Variants in DNAJC3 observed in about 807,000 individuals in gnomAD.
DNAJC3 encodes the protein dnaJ homolog subfamily C member 3.
DNAJC3 carries 38 observed loss-of-function variants against 68.6 expected under a neutral mutation model. The ratio of observed to expected loss-of-function variants is 0.55; its 90% CI spans 0.43 to 0.73. The LOEUF (loss-of-function observed/expected upper bound fraction) is 0.73. Among genes scored for constraint, DNAJC3 ranks in the 30% least tolerant of loss-of-function variants. The probability of loss-of-function intolerance (pLI) is 0.00; values close to 1 mark genes in which losing one functional copy is unlikely to be tolerated. For missense variants in DNAJC3, 526 were observed against 591.9 expected (o/e 0.89, Z 1.16); for synonymous variants, 203 against 204.0 (o/e 1.00, Z 0.04).
At chr13:95,781,578 G>T (rs1297384241) in intron 9 of DNAJC3, among the ~76,000 whole-genome samples, 1 of 152,146 alleles carries the variant, frequency 6.6e-6, no homozygotes, top group African/African-American at 2.4e-5. Flanking sequence ...AGGCAAACGT[G>T]TGTGCTTACG....
At chr13:95,695,697 C>T (rs1880420060) in intron 1 of DNAJC3, 1 of 152,144 alleles carries the variant, frequency 6.6e-6, no homozygotes, top group Non-Finnish European at 1.5e-5. Context: ...AAATAAGCTA[C>T]TTAAATGAAA....
chr13:95,732,616 G>A (rs80114544), intron 4 of DNAJC3, among the ~76,000 whole-genome samples: 4,567 of 151,128 alleles, frequency 0.03, 237 homozygotes, highest in African/African-American at 0.11. Flanking sequence ...TTATCTTTTC[G>A]TAAAACCGAC....
chr13:95,793,394 C>T lies in DNAJC3; in HGVS notation c.*2364C>T, dbSNP rs1883849643. On this transcript the variant is annotated 3_prime_UTR_variant, in exon 12 of 12. Transcript: ENST00000602402. Reference sequence around the variant, plus strand: ...GGGTGTGTAAAGAGATAGTCATTCCCCCTGCCTGTCTCACTGTAGGGTAGC... The same window carrying T: ...GGGTGTGTAAAGAGATAGTCATTCCTCCTGCCTGTCTCACTGTAGGGTAGC... The T allele has an allele frequency of 6.6e-6, 1 of 151,738 alleles. No homozygotes were observed. The highest frequency in any genetic ancestry group is 2.4e-5 in the African/African-American group (1 of 41,234). The allele number at this position is 151,738 out of a possible 1,614,324, so 9.4% of individuals were successfully genotyped here. A position where few individuals can be genotyped will look rare whatever the true frequency, so the allele number is the denominator to read the frequency against.
chr13:95,706,406 G>A (rs1880750285), intron 1 of DNAJC3, among the ~76,000 whole-genome samples: 1 of 152,154 alleles, frequency 6.6e-6, no homozygotes, highest in African/African-American at 2.4e-5. Flanking sequence ...CACCCTCCTG[G>A]TCTAGCACCT....
chr13:95,737,810 GTC>G (rs1175584389), intron 4 of DNAJC3, among the ~76,000 whole-genome samples: 1 of 138,420 alleles, frequency 7.2e-6, no homozygotes, highest in Non-Finnish European at 1.6e-5. Context: ...GGTTTTTTGT[GTC>G]TCTATTTCCT....
chr13:95,703,781 C>T (rs1041589662), intron 1 of DNAJC3, among the ~76,000 whole-genome samples: 1 of 151,678 alleles, frequency 6.6e-6, no homozygotes, highest in Non-Finnish European at 1.5e-5. Context: ...TCATCTACTC[C>T]CTGTTCTATA....
chr13:95,691,307 T>C (rs181621241), intron 1 of DNAJC3, among the ~76,000 whole-genome samples: 1 of 143,662 alleles, frequency 7.0e-6, no homozygotes, highest in Non-Finnish European at 1.5e-5. Context: ...ACGGGGCACT[T>C]GCCGGGCGGA....
intron 9 of DNAJC3, among the ~76,000 whole-genome samples, chr13:95,783,793 G>C (rs769312357): frequency 6.6e-6 from 1 of 152,172 alleles, no homozygotes; most frequent in Non-Finnish European, 1.5e-5. Context: ...TTGTCACACG[G>C]CCACGAAAAA....
At chr13:95,783,707 G>A (rs1291186177) in intron 9 of DNAJC3, among the ~76,000 whole-genome samples, 6 of 152,178 alleles carry the variant, frequency 3.9e-5, no homozygotes, top group East Asian at 3.9e-4. Context: ...GTTTCTGTAC[G>A]TAGTGTGTAG....
rs1478461133 is a variant in DNAJC3, at chr13:95,760,851, G to A, written c.848+53G>A. 3.8e-6 allele frequency: 6 copies of A among 1,582,168 alleles called. No individual in the cohort carries two copies. In the African/African-American group the frequency reaches 8.1e-5, roughly 21 times the overall value. ...AGCCATTCCTTATGTGCGGGGCTGTGGGCACAAGTGAACTACAGAACTGCT... is the reference window on the plus strand; with the variant it reads ...AGCCATTCCTTATGTGCGGGGCTGTAGGCACAAGTGAACTACAGAACTGCT... On this transcript the variant is annotated intron_variant, in intron 7 of 11. Transcript: ENST00000602402.
chr13:95,684,302 T>A (rs761823942), intron 1 of DNAJC3, among the ~76,000 whole-genome samples: 4 of 152,174 alleles, frequency 2.6e-5, no homozygotes, highest in Non-Finnish European at 5.9e-5. Flanking sequence ...AAGAGACTGG[T>A]GGCATTGTAC....
At chr13:95,681,651 G>T (rs1879918352) in intron 1 of DNAJC3, among the ~76,000 whole-genome samples, 1 of 152,158 alleles carries the variant, frequency 6.6e-6, no homozygotes, top group African/African-American at 2.4e-5. Flanking sequence ...AATGCACCTG[G>T]CCCTGATTAG....
At chr13:95,690,863 G>A (rs1251267383) in intron 1 of DNAJC3, among the ~76,000 whole-genome samples, 106 of 142,636 alleles carry the variant, frequency 7.4e-4, no homozygotes, top group Non-Finnish European at 1.4e-3. Flanking sequence ...CAGTAGGGGC[G>A]GCCGGGCAGA....
chr13:95,683,932 C>CA (rs33918497), intron 1 of DNAJC3, among the ~76,000 whole-genome samples: 103,020 of 117,412 alleles, frequency 0.88, 45,366 homozygotes, highest in Non-Finnish European at 0.91. Context: ...AACTCCATCT[C>CA]AAAAAAAAAA....
intron 7 of DNAJC3, among the ~76,000 whole-genome samples, chr13:95,762,130 C>T (rs907921711): frequency 9.2e-5 from 14 of 152,094 alleles, no homozygotes; most frequent in Non-Finnish European, 1.5e-4. Flanking sequence ...GGCGTGGTGG[C>T]GCATGCCTGT....
intron 1 of DNAJC3, among the ~76,000 whole-genome samples, chr13:95,703,060 A>C (rs1880624453): frequency 6.6e-6 from 1 of 152,184 alleles, no homozygotes; most frequent in Non-Finnish European, 1.5e-5. Context: ...ATGTTCTGTA[A>C]AGTCATCGTG....
At chr13:95,767,028 G>T (rs1380091316) in intron 9 of DNAJC3, among the ~76,000 whole-genome samples, 1 of 151,918 alleles carries the variant, frequency 6.6e-6, no homozygotes, top group African/African-American at 2.4e-5. Flanking sequence ...TTTTAATTGT[G>T]GTAAAAGATA....
chr13:95,770,800 A>G (rs17885409), intron 9 of DNAJC3, among the ~76,000 whole-genome samples: 2,235 of 152,276 alleles, frequency 0.015, 59 homozygotes, highest in African/African-American at 0.051. Flanking sequence ...TGGGCTCATA[A>G]CGAGGCTGTA....
At chr13:95,774,075 T>A (rs1883236727) in intron 9 of DNAJC3, among the ~76,000 whole-genome samples, 1 of 152,212 alleles carries the variant, frequency 6.6e-6, no homozygotes, top group Non-Finnish European at 1.5e-5. Context: ...GATTTGTTAA[T>A]GGTTTCTATG....
Sources: gnomAD v4.1 joint callset for allele counts (sites outside exome capture counted in the v4.1 genomes callset) on GRCh38, gnomAD v4.1.1 for gene constraint, MANE v1.5 for transcripts, NCBI Gene and HGNC (gene_info 2026-07-23, HGNC 2026-07-21) for gene names.